Variants in RAC1 observed in about 807,000 individuals in gnomAD.
RAC1 encodes ras-related C3 botulinum toxin substrate 1.
In RAC1, 2 loss-of-function variants were observed where a neutral mutation model predicts 25.2. The ratio of observed to expected loss-of-function variants is 0.08; its 90% CI spans 0.03 to 0.25. RAC1 has a LOEUF of 0.25. Among genes scored for constraint, RAC1 ranks in the 10% least tolerant of loss-of-function variants. RAC1 has a pLI of 1.00. For synonymous variants in RAC1, 88 were observed against 94.0 expected, an observed-to-expected ratio of 0.94 and a Z score of 0.37; for missense variants, 50 against 235.7, an observed-to-expected ratio of 0.21 and a Z score of 5.16.
chr7:6,401,341 A>G (rs1291387891), intron 4 of RAC1, among the ~76,000 whole-genome samples: 1 of 152,178 alleles, frequency 6.6e-6, no homozygotes, highest in Non-Finnish European at 1.5e-5. Context: ...GAATTGGTCT[A>G]ATAAAAATAA....
At chr7:6,394,672 A>AGTT (rs141162322) in intron 3 of RAC1, among the ~76,000 whole-genome samples, 9,912 of 151,500 alleles carry the variant, frequency 0.065, 953 homozygotes, top group East Asian at 0.5. Context: ...CTAGGCTAAA[A>AGTT]GTTGTTGTTG....
Position 6,400,109 on chromosome 7 carries a change from G to T in RAC1, c.226-17G>T, listed in dbSNP as rs199797767. 6.2e-7 allele frequency: 1 copy of T among 1,602,156 alleles called. No homozygotes were observed. The stretch of plus-strand genomic sequence containing the variant: ...AAGGTTGTTGTCTAAATGTTTCCCT[G>T]TGTTTCCTTTTTGTAGGATGTGTTC... On this transcript the variant is annotated splice_polypyrimidine_tract_variant and intron_variant, in intron 3 of 5. Transcript: ENST00000348035.
rs909082888 is a variant in RAC1 at position 6,374,634 on chromosome 7, C to G, written c.-102C>G. The G allele has an allele frequency of 1.1e-4, 89 of 822,978 alleles. No individual in the cohort carries two copies. The highest frequency in any genetic ancestry group is 1.2e-4 in the Non-Finnish European group (82 of 669,440). 51.0% of individuals were successfully genotyped at this position (822,978 alleles called of 1,614,324 possible). On this transcript the variant is annotated 5_prime_UTR_variant, in exon 1 of 6. Transcript: ENST00000348035. Reference sequence around the variant, plus strand: ...TGGACAGCGGCCCCGGCACCCAGCGCCCCGCCGCCCGCAAGCCGCGCGCCC... The same window carrying G: ...TGGACAGCGGCCCCGGCACCCAGCGGCCCGCCGCCCGCAAGCCGCGCGCCC...
rs143737695 is a variant in RAC1, at chr7:6,402,341, G to A, written c.474G>A (p.Ser158=). 268 of 1,611,442 alleles carry A rather than the reference G, an allele frequency of 1.7e-4. No homozygotes were observed. In the African/African-American group the frequency reaches 2.8e-3, roughly 17 times the overall value. ...GTGCTGTAAAATACCTGGAGTGCTC[G>A]GCGCTCACACAGCGAGGCCTCAAGA... ...EIGAVKYLEC[S]ALTQRGLKTV... The change falls in exon 6 of 6, where the codon TCG becomes TCA. Residue 158 remains serine, a synonymous_variant. Coordinates refer to ENST00000348035, the MANE Select transcript of RAC1 (RefSeq NM_006908.5).
At position 6,387,213 on chromosome 7, in the gene RAC1, G is replaced by T. The variant is rs2115193010; in HGVS notation, c.37G>T (p.Ala13Ser). 1 of 1,557,868 alleles carries T rather than the reference G, an allele frequency of 6.4e-7. No homozygotes were observed. Among genetic ancestry groups the T allele is most frequent in the South Asian group, 1.2e-5 (1 of 84,528 alleles). Residue 13 changes from alanine to serine, a missense_variant and splice_region_variant, in exon 2 of 6, where the codon GCT (alanine) becomes TCT (serine). By Grantham distance (99) the Ala-to-Ser change is moderately conservative (BLOSUM62 1). Coordinates refer to ENST00000348035, the MANE Select transcript of RAC1 (RefSeq NM_006908.5). ...AACCTTTTTTCTCTTTCTCTTTAGA[G>T]CTGTAGGTAAAACTTGCCTACTGAT... ...AIKCVVVGDG[A>S]VGKTCLLISY...
intron 3 of RAC1, among the ~76,000 whole-genome samples, chr7:6,392,813 A>G (rs1367050268): frequency 6.6e-6 from 1 of 152,216 alleles, no homozygotes; most frequent in African/African-American, 2.4e-5. Flanking sequence ...CCTTGGGTTG[A>G]TAACCTGTGT....
chr7:6,393,184 A>G (rs1783135545), intron 3 of RAC1, among the ~76,000 whole-genome samples: 2 of 152,154 alleles, frequency 1.3e-5, no homozygotes, highest in African/African-American at 2.4e-5. Context: ...TTCAACCAGT[A>G]CTTCGTTGTA....
chr7:6,395,823 C>T (rs757446889), intron 3 of RAC1, among the ~76,000 whole-genome samples: 1 of 152,152 alleles, frequency 6.6e-6, no homozygotes, highest in Non-Finnish European at 1.5e-5. Flanking sequence ...TTTTAAAATT[C>T]CAAACTTGAA....
At chr7:6,398,769 A>G (rs1452154151) in intron 3 of RAC1, 2 of 1,545,762 alleles carry the variant, frequency 1.3e-6, no homozygotes, top group African/African-American at 2.7e-5. Flanking sequence ...CTGTTCTCTC[A>G]TTTCACTTCG....
At chr7:6,401,758 C>A in intron 4 of RAC1, 110 bp from the exon 5 acceptor site, 3 of 1,163,840 alleles carry the variant, frequency 2.6e-6, no homozygotes, top group South Asian at 3.0e-5. Context: ...CGTGGGGAGG[C>A]CTTGCCTGAG....
At chr7:6,393,100 G>C (rs1337062990) in intron 3 of RAC1, among the ~76,000 whole-genome samples, 1 of 152,170 alleles carries the variant, frequency 6.6e-6, no homozygotes, top group Non-Finnish European at 1.5e-5. Context: ...TTGGGGTTGG[G>C]TTGAGGTCAG....
intron 2 of RAC1, among the ~76,000 whole-genome samples, chr7:6,390,948 A>G (rs929902108): frequency 6.6e-6 from 1 of 151,996 alleles, no homozygotes; most frequent in Non-Finnish European, 1.5e-5. Context: ...CCCAGGCCGG[A>G]GTGCAGTGGC....
chr7:6,394,211 G>A (rs1352630237), intron 3 of RAC1, among the ~76,000 whole-genome samples: 1 of 152,086 alleles, frequency 6.6e-6, no homozygotes, highest in Non-Finnish European at 1.5e-5. Context: ...CCTCTCTATT[G>A]GGCAGCTCTG....
At chr7:6,380,801 G>A (rs999798575) in intron 1 of RAC1, among the ~76,000 whole-genome samples, 1 of 152,158 alleles carries the variant, frequency 6.6e-6, no homozygotes, top group African/African-American at 2.4e-5. Flanking sequence ...GCTTTATCAT[G>A]TCTTCCTGTT....
intron 1 of RAC1, among the ~76,000 whole-genome samples, chr7:6,377,960 T>A (rs1782653582): frequency 6.6e-6 from 1 of 152,130 alleles, no homozygotes; most frequent in Admixed American, 6.6e-5. Context: ...CTTTGACCCT[T>A]TGCCTGGACC....
At chr7:6,395,819 A>G (rs2115207343) in intron 3 of RAC1, among the ~76,000 whole-genome samples, 1 of 152,380 alleles carries the variant, frequency 6.6e-6, no homozygotes, top group East Asian at 1.9e-4. Flanking sequence ...TGTGTTTTAA[A>G]ATTCCAAACT....
At chr7:6,379,534 A>G (rs532621824) in intron 1 of RAC1, among the ~76,000 whole-genome samples, 7 of 152,068 alleles carry the variant, frequency 4.6e-5, no homozygotes, top group Admixed American at 3.3e-4. Flanking sequence ...TAGCCTCTCA[A>G]AAAGTACTGG....
At chr7:6,395,478 G>C (rs911247166) in intron 3 of RAC1, among the ~76,000 whole-genome samples, 2 of 152,188 alleles carry the variant, frequency 1.3e-5, no homozygotes, top group South Asian at 2.1e-4. Context: ...CACGCACCTG[G>C]GGACTGTGGG....
At position 6,403,493 on chromosome 7, in the gene RAC1, C is replaced by T. The variant is rs904271163; in HGVS notation, c.*1047C>T. 16 of 218,392 alleles carry T rather than the reference C, an allele frequency of 7.3e-5. No homozygotes were observed. The highest frequency in any genetic ancestry group is 2.0e-4 in the African/African-American group (9 of 44,466). 13.5% of individuals were successfully genotyped at this position (218,392 alleles called of 1,614,324 possible). On this transcript the variant is annotated 3_prime_UTR_variant, in exon 6 of 6. Transcript: ENST00000348035. Reference sequence around the variant, plus strand: ...ATAATGCATTAGAAGGTTTTTTTGTCGATTAGTAAAAGTGCTTTCCATGTT... The same window carrying T: ...ATAATGCATTAGAAGGTTTTTTTGTTGATTAGTAAAAGTGCTTTCCATGTT...
Sources: allele counts gnomAD v4.1 joint callset (sites outside exome capture counted in the v4.1 genomes callset), GRCh38; gene constraint gnomAD v4.1.1; transcripts MANE v1.5; gene names NCBI Gene and HGNC (gene_info 2026-07-23, HGNC 2026-07-21).